The following URB1 variants were observed in gnomAD, a reference collection of about 807,000 sequenced individuals.
The protein encoded by URB1 is URB1 ribosome biogenesis factor.
A neutral mutation model predicts 242.3 loss-of-function variants in URB1; 197 were observed. The ratio of observed to expected loss-of-function variants is 0.81; its 90% CI spans 0.72 to 0.91. URB1 has a LOEUF of 0.91. URB1 is among the 40% of genes least tolerant of loss of function. The pLI is 0.00. For missense variants in URB1, 2,721 were observed against 2,860.5 expected, an observed-to-expected ratio of 0.95 and a Z score of 1.11; for synonymous variants, 1,153 against 1,201.8, an observed-to-expected ratio of 0.96 and a Z score of 0.84.
chr21:32,339,703 G>T (rs1037525968), intron 25 of URB1, among the ~76,000 whole-genome samples: 1 of 151,858 alleles, frequency 6.6e-6, no homozygotes, highest in African/African-American at 2.4e-5. Context: ...GTGTTAGCCA[G>T]GATGGTCTCG....
Position 32,357,627 on chromosome 21 carries a change from A to G in URB1, c.1899T>C (p.Gly633=). 6.6e-7 allele frequency: 1 copy of G among 1,510,396 alleles called. No homozygotes were observed. The allele number at this position is 1,510,396 out of a possible 1,614,324, so 93.6% of individuals were successfully genotyped here. Residue 633 remains glycine (G), a synonymous_variant, in exon 15 of 39, where the codon GGT becomes GGC. Coordinates refer to ENST00000382751, the MANE Select transcript of URB1 (RefSeq NM_014825.3). ...QEGPDAEIIG[G]ERSVFYLLMK... ...TTAGTAAGTAAAATACTGATCGTTC[A>G]CCTCCAATAATTTCTGCATCTGGGC...
At chr21:32,362,886 C>T (rs2033304726) in intron 11 of URB1, among the ~76,000 whole-genome samples, 1 of 152,210 alleles carries the variant, frequency 6.6e-6, no homozygotes, top group South Asian at 2.1e-4. Flanking sequence ...CCACCAGAGA[C>T]AGAACCCCTG....
At chr21:32,392,721 C>T (rs1245120139) in intron 1 of URB1, 48 bp downstream of exon 1, 6 of 1,369,866 alleles carry the variant, frequency 4.4e-6, no homozygotes, top group African/African-American at 3.0e-5. Context: ...ACGGAGGCCG[C>T]CTCGCCAGCC....
chr21:32,360,913 C>A, intron 13 of URB1, 94 bp downstream of exon 13: 1 of 820,278 alleles, frequency 1.2e-6, no homozygotes, highest in Admixed American at 3.4e-5. Flanking sequence ...CGCAGCCAAC[C>A]GTCCACCAGC....
At position 32,355,455 on chromosome 21, in the gene URB1, C is replaced by T. The variant is rs912079708; in HGVS notation, c.2100G>A (p.Leu700=). The change falls in exon 16 of 39, where the codon CTG becomes CTA. Residue 700 remains leucine (L), a synonymous_variant. Coordinates refer to ENST00000382751, the MANE Select transcript of URB1 (RefSeq NM_014825.3). ...EEDKETVIQF[L]ERILLTLVAN... is the part of the protein sequence containing the mutation. ...GTGGGAAATATGTGCTTACGCGTTCCAGAAACTGAATCACAGTCTCTTTGT... is the reference window on the plus strand; with the variant it reads ...GTGGGAAATATGTGCTTACGCGTTCTAGAAACTGAATCACAGTCTCTTTGT... 2 of 1,550,942 alleles carry T rather than the reference C, an allele frequency of 1.3e-6. No individual in the cohort carries two copies. Among genetic ancestry groups the T allele is most frequent in the Non-Finnish European group, 1.7e-6 (2 of 1,146,164 alleles).
At chr21:32,362,105 A>C in intron 11 of URB1, 84 bp from the exon 12 acceptor site, 1 of 1,491,446 alleles carries the variant, frequency 6.7e-7, no homozygotes, top group Non-Finnish European at 8.9e-7. Context: ...CAAGATGCAA[A>C]AAACAGGGAG....
chr21:32,357,474 T>G, intron 15 of URB1, 63 bp downstream of exon 15: 2 of 1,379,936 alleles, frequency 1.4e-6, no homozygotes, highest in Non-Finnish European at 9.4e-7. Context: ...AACTAAACAC[T>G]TACCATAAGG....
intron 4 of URB1, among the ~76,000 whole-genome samples, chr21:32,381,323 C>G (rs561267708): frequency 6.6e-6 from 1 of 152,170 alleles, no homozygotes; most frequent in South Asian, 2.1e-4. Context: ...CTCTTTGGCA[C>G]AGGATTTTAA....
intron 35 of URB1, among the ~76,000 whole-genome samples, 185 bp from the exon 36 acceptor site, chr21:32,319,599 T>C (rs1437635003): frequency 3.9e-5 from 6 of 152,298 alleles, no homozygotes; most frequent in Admixed American, 3.9e-4. Context: ...TAACAGAAGA[T>C]TGCCCTAAGT....
At chr21:32,336,897 C>A (rs2032965736) in intron 28 of URB1, among the ~76,000 whole-genome samples, 197 bp downstream of exon 28, 2 of 152,246 alleles carry the variant, frequency 1.3e-5, no homozygotes, top group African/African-American at 4.8e-5. Flanking sequence ...TGGCCCTGCC[C>A]AGATGCCTTA....
intron 13 of URB1, among the ~76,000 whole-genome samples, 153 bp from the exon 14 acceptor site, chr21:32,360,061 T>C (rs2033266538): frequency 6.6e-6 from 1 of 152,204 alleles, no homozygotes; most frequent in Admixed American, 6.5e-5. Context: ...CACCCTCACA[T>C]GGCACATCTC....
rs764551076 is a variant in URB1, at chr21:32,347,421, G to C, written c.3403C>G (p.Leu1135Val). 5.0e-5 allele frequency: 78 copies of C among 1,551,566 alleles called. 1 individual carries two copies. Among genetic ancestry groups the C allele is most frequent in the Non-Finnish European group, 6.2e-5 (71 of 1,146,958 alleles). The stretch of plus-strand genomic sequence containing the variant: ...GATTTCGTGGGTTGCTGGGTCACCA[G>C]GTGTGTCTCAGGCAGGCTCAGCAAG... ...LALLSLPETH[L>V]VTQQPTKSPG... is the part of the protein sequence containing the mutation. The change falls in exon 22 of 39, where the codon CTG becomes GTG. Residue 1135 changes from leucine (L) to valine (V), a missense_variant. Physicochemically the swap from Leu to Val is conservative, Grantham distance 32. Coordinates refer to ENST00000382751, the MANE Select transcript of URB1 (RefSeq NM_014825.3).
In URB1 at chr21:32,344,556, G is replaced by GA; in HGVS notation, c.4257+13dup. The GA allele has an allele frequency of 6.4e-7, 1 of 1,550,962 alleles. No homozygotes were observed. Among genetic ancestry groups the GA allele is most frequent in the Non-Finnish European group, 8.7e-7 (1 of 1,146,432 alleles). On this transcript the variant is annotated intron_variant, in intron 24 of 38. Transcript: ENST00000382751. ...ACAGAAATTTAATCTGGATCTCTAA[G>GA]AAAAGACACTTACCAACAACGCATT...
intron 30 of URB1, among the ~76,000 whole-genome samples, chr21:32,325,800 G>A (rs542097437): frequency 2.6e-4 from 40 of 152,270 alleles, no homozygotes; most frequent in Non-Finnish European, 4.6e-4. Flanking sequence ...GCGGGCGCCT[G>A]TCTATAAGCA....
At chr21:32,387,600 CAAAAA>C (rs764839350) in intron 1 of URB1, among the ~76,000 whole-genome samples, 2 of 124,800 alleles carry the variant, frequency 1.6e-5, no homozygotes, top group Non-Finnish European at 3.3e-5. Context: ...TCACCTTATT[CAAAAA>C]AAAAAAAAAA....
chr21:32,353,912 A>G (rs2033187733), intron 18 of URB1, 21 bp downstream of exon 18: 1 of 1,550,710 alleles, frequency 6.4e-7, no homozygotes, highest in Non-Finnish European at 8.7e-7. Flanking sequence ...CAGCCAAGAC[A>G]TCCTGACTAT....
At chr21:32,356,833 G>A (rs530919803) in intron 15 of URB1, among the ~76,000 whole-genome samples, 4 of 152,230 alleles carry the variant, frequency 2.6e-5, no homozygotes, top group Non-Finnish European at 5.9e-5. Context: ...CAGTGATCAC[G>A]AAATCTGGCT....
In URB1 at chr21:32,349,581, G is replaced by A. The variant is rs113660762; in HGVS notation, c.2833-98C>T. 1.7e-5 allele frequency: 22 copies of A among 1,317,898 alleles called. 1 individual carries two copies. In the Middle Eastern group the frequency reaches 7.8e-4, roughly 47 times the overall value. 81.6% of individuals were successfully genotyped at this position (1,317,898 alleles called of 1,614,324 possible). A position where few individuals can be genotyped will look rare whatever the true frequency, so the allele number is the denominator to read the frequency against. On this transcript the variant is annotated intron_variant, in intron 20 of 38. Transcript: ENST00000382751. Reference sequence around the variant, plus strand: ...CCCGTGTTTTCAGAGCAGGAGACTCGGGAGGCAGGCTGAGATGGCAACTCC... The same window carrying A: ...CCCGTGTTTTCAGAGCAGGAGACTCAGGAGGCAGGCTGAGATGGCAACTCC...
rs372382640 is a variant in URB1, at chr21:32,314,655, G to A, written c.*263C>T. The A allele has an allele frequency of 9.9e-6, 16 of 1,613,768 alleles. No homozygotes were observed. The South Asian group carries it at 1.1e-4, about 11-fold the overall frequency. ...CCTAGAGAGGAAGGGGCGGCCTGAC[G>A]AGGCACTGGATGGGCCTCATGGCCT... On this transcript the variant is annotated 3_prime_UTR_variant, in exon 39 of 39. Coordinates refer to ENST00000382751, the MANE Select transcript of URB1 (RefSeq NM_014825.3).
Sources: gnomAD v4.1 joint callset for allele counts (sites outside exome capture counted in the v4.1 genomes callset) on GRCh38, gnomAD v4.1.1 for gene constraint, MANE v1.5 for transcripts, NCBI Gene and HGNC (gene_info 2026-07-23, HGNC 2026-07-21) for gene names.